PDE7B: variants seen among roughly 807,000 people sequenced by gnomAD.
PDE7B encodes phosphodiesterase 7B.
Under a neutral mutation model 56.2 loss-of-function variants are expected in PDE7B, and 29 were observed. That is an observed-to-expected ratio of 0.52 (90% CI 0.38 to 0.70). The LOEUF (loss-of-function observed/expected upper bound fraction) is 0.70, where lower values mean the gene tolerates loss of function less well. Ranked by LOEUF, PDE7B falls within the 30% of genes least tolerant of loss-of-function variation. The probability of loss-of-function intolerance (pLI) is 0.00; values close to 1 mark genes in which losing one functional copy is unlikely to be tolerated. For synonymous variants in PDE7B, 197 were observed against 196.9 expected, an observed-to-expected ratio of 1.00 and a Z score of 0.00; for missense variants, 490 against 565.0, an observed-to-expected ratio of 0.87 and a Z score of 1.35.
intron 1 of PDE7B, among the ~76,000 whole-genome samples, chr6:135,926,128 C>A (rs1170628550): frequency 6.9e-6 from 1 of 144,976 alleles, no homozygotes; most frequent in African/African-American, 2.6e-5. Flanking sequence ...ACTCTGTCGC[C>A]CAGGCTGCAG....
intron 1 of PDE7B, among the ~76,000 whole-genome samples, chr6:135,855,139 G>T (rs1416705903): frequency 6.6e-6 from 1 of 152,102 alleles, no homozygotes; most frequent in East Asian, 1.9e-4. Context: ...AAGAGCAACT[G>T]GTTGCGCTGG....
At chr6:135,905,193 G>A (rs1776075362) in intron 1 of PDE7B, among the ~76,000 whole-genome samples, 1 of 152,116 alleles carries the variant, frequency 6.6e-6, no homozygotes, top group Admixed American at 6.5e-5. Flanking sequence ...TCAACCAAGT[G>A]CCACTAACAT....
chr6:135,873,111 G>A (rs1775418405), intron 1 of PDE7B, among the ~76,000 whole-genome samples: 1 of 152,136 alleles, frequency 6.6e-6, no homozygotes, highest in Non-Finnish European at 1.5e-5. Flanking sequence ...GAAGGTTCCT[G>A]ATTTTGAAGC....
intron 2 of PDE7B, among the ~76,000 whole-genome samples, chr6:135,981,290 G>T (rs1409034055): frequency 8.8e-6 from 1 of 113,366 alleles, no homozygotes; most frequent in Non-Finnish European, 1.8e-5. Context: ...GTTGTGGGGT[G>T]GGGGGAGGGG....
intron 2 of PDE7B, among the ~76,000 whole-genome samples, chr6:135,950,166 TTAAAA>T (rs775899923): frequency 3.3e-5 from 5 of 152,116 alleles, no homozygotes; most frequent in African/African-American, 4.8e-5. Context: ...GTTTATTCAC[TTAAAA>T]TAAACAAGAG....
At chr6:136,018,751 ATATATT>A (rs952129486) in intron 2 of PDE7B, among the ~76,000 whole-genome samples, 3 of 151,852 alleles carry the variant, frequency 2.0e-5, no homozygotes, top group Admixed American at 6.6e-5. Flanking sequence ...CTTTTGTTAA[ATATATT>A]TATATATTAT....
At chr6:136,000,458 T>C (rs568600728) in intron 2 of PDE7B, among the ~76,000 whole-genome samples, 1 of 152,346 alleles carries the variant, frequency 6.6e-6, no homozygotes, top group South Asian at 2.1e-4. Flanking sequence ...AGTTTTAATC[T>C]TCTGCACATG....
intron 2 of PDE7B, among the ~76,000 whole-genome samples, chr6:135,982,107 A>AC (rs1001682962): frequency 6.6e-6 from 1 of 150,614 alleles, no homozygotes; most frequent in Non-Finnish European, 1.5e-5. Context: ...ACTTATCCTG[A>AC]CCCCCCCTCT....
chr6:136,182,833 G>A (rs775128032), intron 11 of PDE7B, among the ~76,000 whole-genome samples: 38 of 152,128 alleles, frequency 2.5e-4, no homozygotes, highest in Non-Finnish European at 4.9e-4. Flanking sequence ...CAGCACTTTG[G>A]GAGGCTTAGG....
rs570011020 is a variant in PDE7B, at chr6:136,106,620, C to A, written c.83-2111C>A. ...CGAATAGTAGTCCTTCACAACCATT[C>A]TTCTCTGAGCCTCTATTTTCTTACT... On this transcript the variant is annotated intron_variant, in intron 2 of 12. Transcript: ENST00000308191. 2.0e-5 allele frequency among the ~76,000 whole-genome samples: 3 copies of A among 152,296 alleles called. No homozygotes were observed. In the South Asian group the frequency reaches 6.2e-4, roughly 32 times the overall value.
At chr6:136,000,682 A>G (rs1360367727) in intron 2 of PDE7B, among the ~76,000 whole-genome samples, 1 of 152,210 alleles carries the variant, frequency 6.6e-6, no homozygotes, top group African/African-American at 2.4e-5. Flanking sequence ...GTCAAGTAAC[A>G]TGATGCCTGT....
chr6:136,121,770 G>A (rs1009927036), intron 3 of PDE7B, among the ~76,000 whole-genome samples: 3 of 152,180 alleles, frequency 2.0e-5, no homozygotes, highest in Admixed American at 6.5e-5. Flanking sequence ...ATTTTTGTAA[G>A]TAGAAGTTTT....
At chr6:136,025,220 G>T (rs1258944977) in intron 2 of PDE7B, among the ~76,000 whole-genome samples, 1 of 152,094 alleles carries the variant, frequency 6.6e-6, no homozygotes, top group Non-Finnish European at 1.5e-5. Flanking sequence ...AGACCACTTT[G>T]GGCGGTGCTT....
Position 136,052,580 on chromosome 6 carries a change from G to A in PDE7B, c.83-56151G>A, listed in dbSNP as rs564847832. On this transcript the variant is annotated intron_variant, in intron 2 of 12. Transcript: ENST00000308191. Reference sequence around the variant, plus strand: ...TGGGAAAAGTGCAAGTCTCCACCCAGAGCTCAGTTCTTGTGGGTGTATAAA... The same window carrying A: ...TGGGAAAAGTGCAAGTCTCCACCCAAAGCTCAGTTCTTGTGGGTGTATAAA... Among the ~76,000 whole-genome samples, 4 of 151,862 alleles carry A rather than the reference G, an allele frequency of 2.6e-5. No homozygotes were observed. In the South Asian group the frequency reaches 8.3e-4, roughly 32 times the overall value.
chr6:135,883,287 G>A (rs947346204), intron 1 of PDE7B, among the ~76,000 whole-genome samples: 1 of 152,164 alleles, frequency 6.6e-6, no homozygotes, highest in Non-Finnish European at 1.5e-5. Context: ...TTAACAAGGT[G>A]ACACTGAGCC....
At chr6:136,155,596 C>A in intron 7 of PDE7B, 31 bp from the exon 8 acceptor site, 1 of 1,579,220 alleles carries the variant, frequency 6.3e-7, no homozygotes, top group Non-Finnish European at 8.6e-7. Flanking sequence ...GAAAATACAC[C>A]AATCAATCTC....
intron 2 of PDE7B, among the ~76,000 whole-genome samples, chr6:136,093,545 T>C (rs1314323285): frequency 1.3e-5 from 2 of 152,238 alleles, no homozygotes; most frequent in East Asian, 1.9e-4. Context: ...CCCATGGCCA[T>C]GTGCCATGAT....
chr6:136,130,193 G>A (rs748315699), intron 3 of PDE7B, among the ~76,000 whole-genome samples: 2 of 152,146 alleles, frequency 1.3e-5, no homozygotes, highest in African/African-American at 2.4e-5. Flanking sequence ...CAGTCTCATA[G>A]AGCGCAACTC....
At chr6:135,888,647 AAAAT>A (rs1284851070) in intron 1 of PDE7B, among the ~76,000 whole-genome samples, 9 of 151,618 alleles carry the variant, frequency 5.9e-5, no homozygotes, top group Admixed American at 5.9e-4. Context: ...ACTAGTTTAA[AAAAT>A]AAATATTATA....
Sources: gnomAD v4.1 joint callset for allele counts (sites outside exome capture counted in the v4.1 genomes callset) on GRCh38, gnomAD v4.1.1 for gene constraint, MANE v1.5 for transcripts, NCBI Gene and HGNC (gene_info 2026-07-23, HGNC 2026-07-21) for gene names.